Variants in INSL6 observed in about 807,000 individuals in gnomAD.
INSL6 encodes the protein insulin-like peptide INSL6.
In INSL6, 16 loss-of-function variants were observed where a neutral mutation model predicts 9.4. The observed-to-expected ratio is 1.70, with a 90% CI of 1.15 to 2.59. The LOEUF is 2.59. Among genes scored for constraint, INSL6 ranks in the 30% most tolerant of loss-of-function variants. The probability of loss-of-function intolerance (pLI) is 0.00; values close to 1 mark genes in which losing one functional copy is unlikely to be tolerated. For synonymous variants in INSL6, 154 were observed against 96.9 expected (o/e 1.59, Z -3.46); for missense variants, 391 against 257.3 (o/e 1.52, Z -3.56).
the INSL6 span, among the ~76,000 whole-genome samples, chr9:5,040,411 T>A: frequency 2.6e-5 from 4 of 152,110 alleles, no homozygotes; most frequent in East Asian, 7.7e-4. Context: ...TTCTTAGATA[T>A]GACACCAAAA....
intron 2 of INSL6, among the ~76,000 whole-genome samples, chr9:5,147,310 G>A (rs1008875616): frequency 1.3e-5 from 2 of 152,288 alleles, no homozygotes; most frequent in East Asian, 3.9e-4. Context: ...AGACAGTCTG[G>A]ACTCCTCTCC....
the INSL6 span, among the ~76,000 whole-genome samples, chr9:5,057,800 C>T: frequency 2.6e-5 from 4 of 152,040 alleles, no homozygotes; most frequent in Non-Finnish European, 4.4e-5. Context: ...CCAGGTTGGT[C>T]TTGAAGTCCT....
chr9:5,093,839 C>T, the INSL6 span, among the ~76,000 whole-genome samples: 1 of 152,124 alleles, frequency 6.6e-6, no homozygotes, highest in Non-Finnish European at 1.5e-5. Flanking sequence ...TTCATTTATT[C>T]AATGATTAAA....
intron 2 of INSL6, among the ~76,000 whole-genome samples, chr9:5,152,445 T>C (rs1824729673): frequency 6.6e-6 from 1 of 152,034 alleles, no homozygotes; most frequent in African/African-American, 2.4e-5. Context: ...AAAACAAACC[T>C]ATATAACCCA....
At chr9:5,042,030 G>T in the INSL6 span, 1 of 313,698 alleles carries the variant, frequency 3.2e-6, no homozygotes. Flanking sequence ...CCAGACGCTG[G>T]CTGGAAGCCA....
At chr9:5,058,014 G>C in the INSL6 span, among the ~76,000 whole-genome samples, 1 of 152,126 alleles carries the variant, frequency 6.6e-6, no homozygotes, top group Non-Finnish European at 1.5e-5. Context: ...ATTACAGCAT[G>C]TATCAATTTC....
chr9:5,154,872 T>C lies in INSL6; in HGVS notation c.376+9307A>G, dbSNP rs545697087. ...AGAAACAGGAACACTTTTACACTGT[T>C]GGTGGGACTGTAAACTAGTTCAACC... On this transcript the variant is annotated intron_variant, in intron 2 of 3. Transcript: ENST00000649639. 2.8e-3 allele frequency among the ~76,000 whole-genome samples: 419 copies of C among 152,274 alleles called. 3 individuals carry two copies. Among genetic ancestry groups the C allele is most frequent in the African/African-American group, 9.5e-3 (394 of 41,536 alleles).
chr9:5,032,815 T>G, the INSL6 span, among the ~76,000 whole-genome samples: 1 of 152,118 alleles, frequency 6.6e-6, no homozygotes, highest in Admixed American at 6.5e-5. Flanking sequence ...GCAGAAAAAC[T>G]GGAAACTCTA....
the INSL6 span, chr9:5,111,902 G>C: frequency 2.8e-6 from 1 of 354,978 alleles, no homozygotes; most frequent in South Asian, 2.1e-5. Context: ...GACGCCCTCG[G>C]GAAGGCCTGG....
intron 1 of INSL6, among the ~76,000 whole-genome samples, chr9:5,176,902 T>C (rs1301487660): frequency 1.3e-5 from 2 of 152,022 alleles, no homozygotes; most frequent in Non-Finnish European, 2.9e-5. Flanking sequence ...AACTAGTAAA[T>C]ATAATTCACA....
At chr9:5,114,060 C>T in the INSL6 span, 1 of 332,722 alleles carries the variant, frequency 3.0e-6, no homozygotes, top group African/African-American at 2.1e-5. Flanking sequence ...GGCCTCCACA[C>T]AAAGCAAGCT....
chr9:5,101,185 G>A, the INSL6 span, among the ~76,000 whole-genome samples: 2 of 152,194 alleles, frequency 1.3e-5, no homozygotes, highest in African/African-American at 4.8e-5. Context: ...CCCAAATACT[G>A]TGCTTTTCCA....
At chr9:5,162,074 A>G (rs888616570), downstream of INSL6, among the ~76,000 whole-genome samples, 1 of 145,532 alleles carries the variant, frequency 6.9e-6, no homozygotes, top group African/African-American at 2.6e-5. Context: ...CCCTGCCTCA[A>G]AAAAAAAAAA....
At chr9:5,171,557 T>C (rs951610607) in intron 1 of INSL6, among the ~76,000 whole-genome samples, 1 of 152,170 alleles carries the variant, frequency 6.6e-6, no homozygotes, top group Non-Finnish European at 1.5e-5. Flanking sequence ...TGTTTGCAGA[T>C]GACATGCAAA....
the INSL6 span, among the ~76,000 whole-genome samples, chr9:5,046,122 C>G: frequency 6.6e-6 from 1 of 152,134 alleles, no homozygotes; most frequent in African/African-American, 2.4e-5. Context: ...ACTTCTCTAA[C>G]AACCAGTGAT....
At chr9:5,007,545 A>T in the INSL6 span, among the ~76,000 whole-genome samples, 1 of 152,110 alleles carries the variant, frequency 6.6e-6, no homozygotes, top group African/African-American at 2.4e-5. Flanking sequence ...TAAGAATAGC[A>T]TAAATTTATA....
the INSL6 span, chr9:5,095,041 T>A: frequency 6.8e-6 from 1 of 146,920 alleles, no homozygotes; most frequent in East Asian, 2.0e-4. Context: ...GACAAAAGAA[T>A]TACTTTGATA....
intron 3 of INSL6, chr9:5,126,232 C>T (rs1823985435): frequency 1.4e-6 from 1 of 703,338 alleles, no homozygotes; most frequent in East Asian, 2.7e-5. Flanking sequence ...CATACAAAAG[C>T]ACACATATAC....
At chr9:5,106,617 A>G in the INSL6 span, among the ~76,000 whole-genome samples, 471 of 152,322 alleles carry the variant, frequency 3.1e-3, 1 homozygote, top group African/African-American at 0.011. Context: ...TTACTGTGGC[A>G]CTATTCACAA....
Sources: gnomAD v4.1 joint callset for allele counts (sites outside exome capture counted in the v4.1 genomes callset) on GRCh38, gnomAD v4.1.1 for gene constraint, MANE v1.5 for transcripts, NCBI Gene and HGNC (gene_info 2026-07-23, HGNC 2026-07-21) for gene names.